SH3RF3: variants seen among roughly 807,000 people sequenced by gnomAD.
SH3RF3 encodes E3 ubiquitin-protein ligase SH3RF3.
Under a neutral mutation model 66.3 loss-of-function variants are expected in SH3RF3, and 29 were observed. That is an observed-to-expected ratio of 0.44 (90% CI 0.33 to 0.60). SH3RF3 has a LOEUF of 0.60. SH3RF3 is among the 20% of genes least tolerant of loss of function. The pLI, the probability that SH3RF3 is intolerant of heterozygous loss-of-function variation, is 0.04. For missense variants in SH3RF3, 1,194 were observed against 1,190.9 expected (o/e 1.00, Z -0.04); for synonymous variants, 583 against 532.0 (o/e 1.10, Z -1.32).
chr2:109,453,927 G>A (rs952430469), intron 8 of SH3RF3, among the ~76,000 whole-genome samples: 1 of 152,234 alleles, frequency 6.6e-6, no homozygotes, highest in Admixed American at 6.5e-5. Flanking sequence ...GAGGGCCAGG[G>A]ACGGGAGAGG....
chr2:109,135,087 C>T (rs1226784888), intron 1 of SH3RF3, among the ~76,000 whole-genome samples: 5 of 152,170 alleles, frequency 3.3e-5, no homozygotes, highest in African/African-American at 9.7e-5. Flanking sequence ...AAATAGAGGC[C>T]GTGGCTTCAG....
At chr2:109,407,588 T>C (rs1676481775) in intron 4 of SH3RF3, among the ~76,000 whole-genome samples, 1 of 152,220 alleles carries the variant, frequency 6.6e-6, no homozygotes, top group Non-Finnish European at 1.5e-5. Flanking sequence ...TTATAAGCTG[T>C]GCAAACTCCG....
intron 1 of SH3RF3, among the ~76,000 whole-genome samples, chr2:109,164,560 C>T (rs978445733): frequency 6.6e-6 from 1 of 152,162 alleles, no homozygotes; most frequent in African/African-American, 2.4e-5. Context: ...ATTTACTCTT[C>T]TACCCATTCA....
In SH3RF3 at chr2:109,429,303, AG is replaced by A. The variant is rs1484093718; in HGVS notation, c.1404-3196del. Among the ~76,000 whole-genome samples the A allele has an allele frequency of 2.0e-5, 3 of 152,270 alleles. No homozygotes were observed. The East Asian group carries it at 5.8e-4, about 29-fold the overall frequency. On this transcript the variant is annotated intron_variant, in intron 5 of 9. Transcript: ENST00000309415. ...CCATCTGCTTTTGGTGTCCCCTACG[AG>A]GCACCCAGAGGAAAAAAAGTAGGCA...
chr2:109,153,486 G>T (rs1677268152), intron 1 of SH3RF3, among the ~76,000 whole-genome samples: 1 of 152,202 alleles, frequency 6.6e-6, no homozygotes, highest in Admixed American at 6.5e-5. Context: ...ACTGAAACTT[G>T]CCAGGAGAAA....
chr2:109,388,375 A>G (rs973623149), intron 3 of SH3RF3, among the ~76,000 whole-genome samples: 1 of 151,634 alleles, frequency 6.6e-6, no homozygotes. Context: ...AAAAAGCTCC[A>G]CCTGCCACAG....
chr2:109,294,418 G>A (rs1051508284), intron 1 of SH3RF3, among the ~76,000 whole-genome samples: 22 of 151,824 alleles, frequency 1.4e-4, no homozygotes, highest in Non-Finnish European at 2.6e-4. Context: ...AAAATTAGCC[G>A]GGCATGGTGG....
intron 5 of SH3RF3, among the ~76,000 whole-genome samples, chr2:109,422,998 A>G (rs1047769512): frequency 4.6e-5 from 7 of 152,166 alleles, no homozygotes; most frequent in Non-Finnish European, 8.8e-5. Flanking sequence ...TCTGAGAGCA[A>G]CGGAACTCTT....
At chr2:109,474,098 G>A (rs1042619054) in intron 8 of SH3RF3, among the ~76,000 whole-genome samples, 7 of 152,136 alleles carry the variant, frequency 4.6e-5, no homozygotes, top group South Asian at 2.1e-4. Flanking sequence ...TGCACAGTCT[G>A]GGCCGGGCTG....
chr2:109,221,530 C>T (rs930480639), intron 1 of SH3RF3, among the ~76,000 whole-genome samples: 10 of 150,320 alleles, frequency 6.7e-5, no homozygotes, highest in Non-Finnish European at 1.2e-4. Flanking sequence ...TGCGGTAAGC[C>T]GCGATCGCGC....
chr2:109,295,287 C>CT (rs978375613), intron 1 of SH3RF3, among the ~76,000 whole-genome samples: 42 of 152,312 alleles, frequency 2.8e-4, no homozygotes, highest in African/African-American at 9.9e-4. Context: ...AGCAGGTGCT[C>CT]TTGTCATCCC....
intron 4 of SH3RF3, among the ~76,000 whole-genome samples, chr2:109,400,573 G>GCACACA (rs61479132): frequency 0.27 from 38,667 of 144,330 alleles, 6,063 homozygotes; most frequent in Non-Finnish European, 0.35. Context: ...ACACACCTGT[G>GCACACA]CGCACACACA....
Position 109,367,473 on chromosome 2 carries a change from G to T in SH3RF3, c.850-4113G>T, listed in dbSNP as rs180770662. ...GTTGTTGTATTTTTAATAGAAACGG[G>T]GTTTCACCATGTCGGCCAGGCTAGT... is the stretch of plus-strand genomic sequence containing the variant. On this transcript the variant is annotated intron_variant, in intron 2 of 9. Coordinates refer to ENST00000309415, the MANE Select transcript of SH3RF3 (RefSeq NM_001099289.3). Among the ~76,000 whole-genome samples the T allele has an allele frequency of 4.9e-4, 74 of 151,772 alleles. No individual in the cohort carries two copies. In the East Asian group the frequency reaches 0.013, roughly 27 times the overall value.
intron 8 of SH3RF3, among the ~76,000 whole-genome samples, 174 bp from the exon 9 acceptor site, chr2:109,490,431 A>G (rs542138176): frequency 1.1e-3 from 172 of 152,350 alleles, no homozygotes; most frequent in African/African-American, 4.0e-3. Flanking sequence ...CTGGTGCAAG[A>G]AAATGCTGGT....
rs1482871704 is a variant in SH3RF3, at chr2:109,503,522, T to G, written c.*1851T>G. On this transcript the variant is annotated 3_prime_UTR_variant, in exon 10 of 10. Transcript: ENST00000309415. ...AAGAAGAAAAAGTCTGGCTTAAACATAGTAACTTCTGTGTGCCAGGTTAAT... is the reference window on the plus strand; with the variant it reads ...AAGAAGAAAAAGTCTGGCTTAAACAGAGTAACTTCTGTGTGCCAGGTTAAT... 6.6e-6 allele frequency: 1 copy of G among 152,150 alleles called. No individual in the cohort carries two copies. The highest frequency in any genetic ancestry group is 1.9e-4 in the East Asian group (1 of 5,182). The allele number at this position is 152,150 out of a possible 1,614,324, so 9.4% of individuals were successfully genotyped here. A position where few individuals can be genotyped will look rare whatever the true frequency, so the allele number is the denominator to read the frequency against.
intron 3 of SH3RF3, among the ~76,000 whole-genome samples, chr2:109,388,953 G>T (rs1675905700): frequency 6.6e-6 from 1 of 152,196 alleles, no homozygotes; most frequent in African/African-American, 2.4e-5. Flanking sequence ...GGGCTGCAGT[G>T]TGCAGCCACC....
intron 1 of SH3RF3, among the ~76,000 whole-genome samples, chr2:109,276,206 TC>T (rs1680755212): frequency 6.6e-6 from 1 of 152,190 alleles, no homozygotes; most frequent in Admixed American, 6.5e-5. Context: ...TTCTCCCACA[TC>T]ACCATATGTG....
chr2:109,449,454 A>C lies in SH3RF3; in HGVS notation c.2113A>C (p.Thr705Pro). 3.7e-6 allele frequency: 6 copies of C among 1,613,910 alleles called. No homozygotes were observed. Among genetic ancestry groups the C allele is most frequent in the Non-Finnish European group, 5.1e-6 (6 of 1,179,864 alleles). ...TCTGTCCACATCCAGCCCCACCAAC[A>C]CGGGATGCAAACTAGACGAGAAGAA... is the stretch of plus-strand genomic sequence containing the variant. ...GVLSTSSPTN[T>P]GCKLDEKKSE... Residue 705 changes from threonine (T) to proline (P), a missense_variant, in exon 8 of 10, where the codon ACG becomes CCG. Transcript: ENST00000309415.
rs11885439 is a variant in SH3RF3, at chr2:109,398,592, C to A, written c.948C>A (p.Leu316=). 15,341 of 1,558,234 alleles carry A rather than the reference C, an allele frequency of 9.8e-3. 1,233 individuals are homozygous for A. The African/African-American group carries it at 0.18, about 18-fold the overall frequency. ...CCCCTCTCCCCTTTCTCACTCAGCTCAATGACTCCGCCAAGCAGCTCATTG... is the reference window on the plus strand; with the variant it reads ...CCCCTCTCCCCTTTCTCACTCAGCTAAATGACTCCGCCAAGCAGCTCATTG... ...IGIFPLLYVE[L]NDSAKQLIEM... is the part of the protein sequence containing the mutation. Residue 316 remains leucine, a splice_region_variant and synonymous_variant, in exon 4 of 10, where the codon CTC becomes CTA. Coordinates refer to ENST00000309415, the MANE Select transcript of SH3RF3 (RefSeq NM_001099289.3).
Sources: allele counts gnomAD v4.1 joint callset (sites outside exome capture counted in the v4.1 genomes callset), GRCh38; gene constraint gnomAD v4.1.1; transcripts MANE v1.5; gene names NCBI Gene and HGNC (gene_info 2026-07-23, HGNC 2026-07-21).